Variants in RANBP3 observed in about 807,000 individuals in gnomAD.
RANBP3 encodes RAN binding protein 3.
Under a neutral mutation model 77.3 loss-of-function variants are expected in RANBP3, and 14 were observed. The observed-to-expected ratio is 0.18, with a 90% confidence interval of 0.12 to 0.28. RANBP3 has a LOEUF of 0.28. Ranked by LOEUF, RANBP3 falls within the 10% of genes least tolerant of loss-of-function variation. RANBP3 has a pLI of 1.00. For missense variants in RANBP3, 586 were observed against 752.3 expected (o/e 0.78, Z 2.59); for synonymous variants, 315 against 312.4 (o/e 1.01, Z -0.09).
intron 2 of RANBP3, 125 bp downstream of exon 2, chr19:5,957,793 T>C: frequency 1.0e-6 from 1 of 1,002,846 alleles, no homozygotes; most frequent in South Asian, 1.4e-5. Context: ...TGTAAAGGCC[T>C]CTGCTTAGGT....
intron 1 of RANBP3, among the ~76,000 whole-genome samples, chr19:5,963,700 C>T (rs981154906): frequency 2.0e-5 from 3 of 152,158 alleles, no homozygotes; most frequent in Admixed American, 6.5e-5. Flanking sequence ...GTGTGTGAAG[C>T]GGGGGAGATT....
chr19:5,921,077 C>G lies in RANBP3; in HGVS notation c.1330+124G>C. 1 of 1,302,250 alleles carries G rather than the reference C, an allele frequency of 7.7e-7. No homozygotes were observed. Among genetic ancestry groups the G allele is most frequent in the Non-Finnish European group, 1.0e-6 (1 of 968,144 alleles). The allele number at this position is 1,302,250 out of a possible 1,614,324, so 80.7% of individuals were successfully genotyped here. A position where few individuals can be genotyped will look rare whatever the true frequency, so the allele number is the denominator to read the frequency against. On this transcript the variant is annotated intron_variant, in intron 14 of 16. Transcript: ENST00000340578. The surrounding 1 kb of genome is among the most constrained non-coding windows in gnomAD (Gnocchi z 5.3). ...GGGGGCGGCTCTCATGGGAGACCGA[C>G]TCTGTGCCTTGACTCTCACAAGGGT...
chr19:5,934,421 T>C (rs1229732465), intron 5 of RANBP3: 1 of 152,254 alleles, frequency 6.6e-6, no homozygotes, highest in African/African-American at 2.4e-5. Flanking sequence ...CAAAAATCGA[T>C]TGTGTTTCTA....
In RANBP3 at chr19:5,917,429, C is replaced by T; in HGVS notation, c.*181G>A. On this transcript the variant is annotated 3_prime_UTR_variant, in exon 17 of 17. Transcript: ENST00000340578. Reference sequence around the variant, plus strand: ...TATGATGAGGTCTCGTGTCCCAAACCACATTCAGGCAGTTCCCGAGTCTGC... The same window carrying T: ...TATGATGAGGTCTCGTGTCCCAAACTACATTCAGGCAGTTCCCGAGTCTGC... 3.3e-6 allele frequency: 2 copies of T among 611,144 alleles called. No individual in the cohort carries two copies. Among genetic ancestry groups the T allele is most frequent in the Non-Finnish European group, 5.6e-6 (2 of 357,810 alleles). The allele number at this position is 611,144 out of a possible 1,614,324, so 37.9% of individuals were successfully genotyped here. A position where few individuals can be genotyped will look rare whatever the true frequency, so the allele number is the denominator to read the frequency against.
In RANBP3 at chr19:5,916,192, C is replaced by G. The variant is rs1599708267; in HGVS notation, c.*1418G>C. The G allele has an allele frequency of 6.6e-6, 1 of 152,188 alleles. No individual in the cohort carries two copies. The highest frequency in any genetic ancestry group is 1.5e-5 in the Non-Finnish European group (1 of 68,032). 9.4% of individuals were successfully genotyped at this position (152,188 alleles called of 1,614,324 possible). On this transcript the variant is annotated 3_prime_UTR_variant, in exon 17 of 17. Transcript: ENST00000340578. ...AAATACATTTCATATGACAATCTTA[C>G]ATAAATGTTCCAAAACACATGGGCG...
intron 8 of RANBP3, among the ~76,000 whole-genome samples, chr19:5,931,083 CG>C (rs1216196991): frequency 1.3e-5 from 2 of 152,316 alleles, no homozygotes; most frequent in East Asian, 3.9e-4. Context: ...GGATCACTCC[CG>C]TGAGACATGT....
intron 12 of RANBP3, 24 bp downstream of exon 12, chr19:5,923,788 T>TGGTAGGTGGGAC (rs2057861495): frequency 1.3e-6 from 2 of 1,563,420 alleles, no homozygotes; most frequent in Admixed American, 3.3e-5. Context: ...ATGAGCCCCA[T>TGGTAGGTGGGAC]GCTGTGGTGG....
chr19:5,965,031 G>T (rs142238233), intron 1 of RANBP3, among the ~76,000 whole-genome samples: 82 of 152,132 alleles, frequency 5.4e-4, no homozygotes, highest in Non-Finnish European at 9.3e-4. Flanking sequence ...CGATGAAGGT[G>T]GGGATCCTGG....
intron 5 of RANBP3, among the ~76,000 whole-genome samples, chr19:5,940,399 AAGG>A (rs1194670780): frequency 1.3e-5 from 2 of 152,206 alleles, no homozygotes; most frequent in African/African-American, 4.8e-5. Context: ...CTTAAATTAA[AAGG>A]ATGCCAACTG....
At chr19:5,969,611 T>C (rs2058507509) in intron 1 of RANBP3, among the ~76,000 whole-genome samples, 1 of 152,210 alleles carries the variant, frequency 6.6e-6, no homozygotes, top group Non-Finnish European at 1.5e-5. Context: ...CGAGTGCCCA[T>C]TACCTAGAGT....
intron 1 of RANBP3, among the ~76,000 whole-genome samples, chr19:5,960,334 C>T (rs1377958897): frequency 6.6e-6 from 1 of 152,206 alleles, no homozygotes; most frequent in African/African-American, 2.4e-5. Context: ...CCAGCCACTG[C>T]AGACTGAATT....
intron 1 of RANBP3, among the ~76,000 whole-genome samples, chr19:5,973,580 C>T (rs934769307): frequency 1.4e-4 from 21 of 152,312 alleles, no homozygotes; most frequent in Middle Eastern, 3.4e-3. Flanking sequence ...CACTAAGTGA[C>T]AGGCAGGACA....
At chr19:5,975,461 C>CAA (rs2058579495) in intron 1 of RANBP3, among the ~76,000 whole-genome samples, 1 of 151,932 alleles carries the variant, frequency 6.6e-6, no homozygotes, top group South Asian at 2.1e-4. Flanking sequence ...CCTTTGTGCT[C>CAA]AAATGTATTC....
Position 5,958,695 on chromosome 19 carries a change from T to C in RANBP3, c.23-722A>G, listed in dbSNP as rs1169673275. On this transcript the variant is annotated intron_variant, in intron 1 of 16. Coordinates refer to ENST00000340578, the MANE Select transcript of RANBP3 (RefSeq NM_007322.3). The surrounding 1 kb of genome is among the most constrained non-coding windows in gnomAD (Gnocchi z 4.4). Reference sequence around the variant, plus strand: ...TGGGTGGCAGCCCAGGAGGCCCTGCTGCCCGCACAGGAAGCACAGATGAGG... The same window carrying C: ...TGGGTGGCAGCCCAGGAGGCCCTGCCGCCCGCACAGGAAGCACAGATGAGG... 6.6e-6 allele frequency among the ~76,000 whole-genome samples: 1 copy of C among 152,218 alleles called. No individual in the cohort carries two copies. Among genetic ancestry groups the C allele is most frequent in the Non-Finnish European group, 1.5e-5 (1 of 68,032 alleles).
intron 2 of RANBP3, among the ~76,000 whole-genome samples, chr19:5,956,121 A>G (rs756016541): frequency 9.9e-5 from 15 of 152,208 alleles, no homozygotes; most frequent in Non-Finnish European, 2.1e-4. Context: ...AGATAAAAAC[A>G]TAAACAAATA....
chr19:5,923,865 G>A lies in RANBP3; in HGVS notation c.1046C>T (p.Ala349Val), dbSNP rs1030911422. The A allele has an allele frequency of 1.9e-6, 3 of 1,614,196 alleles. No individual in the cohort carries two copies. Among genetic ancestry groups the A allele is most frequent in the East Asian group, 2.2e-5 (1 of 44,884 alleles). The change falls in exon 12 of 17, where the codon GCA (alanine) becomes GTA (valine). Residue 349 changes from alanine (A) to valine (V), a missense_variant. Coordinates refer to ENST00000340578, the MANE Select transcript of RANBP3 (RefSeq NM_007322.3). ...EVSSDANRENAAAESGSESSS... is the reference protein window; with the variant it reads ...EVSSDANRENVAAESGSESSS... ...GGACTCAGACCCTGACTCGGCAGCT[G>A]CATTTTCCCTGTTGGCATCTGAACT...
intron 3 of RANBP3, chr19:5,950,590 G>A (rs190649140): frequency 6.6e-6 from 1 of 152,354 alleles, no homozygotes; most frequent in Non-Finnish European, 1.5e-5. Flanking sequence ...CTGGTGCTCA[G>A]GCGGTAGAGC....
intron 2 of RANBP3, among the ~76,000 whole-genome samples, chr19:5,957,084 G>A (rs550380123): frequency 2.1e-4 from 32 of 152,194 alleles, no homozygotes; most frequent in Admixed American, 5.9e-4. Flanking sequence ...GAGTGCCGTC[G>A]CTGGGCATCA....
At chr19:5,925,983 T>C (rs1344667331) in intron 9 of RANBP3, among the ~76,000 whole-genome samples, 1 of 152,148 alleles carries the variant, frequency 6.6e-6, no homozygotes, top group Non-Finnish European at 1.5e-5. Flanking sequence ...TTTTCCACCT[T>C]GTTACAAAAC....
Sources: gnomAD v4.1 joint callset for allele counts (sites outside exome capture counted in the v4.1 genomes callset) on GRCh38, gnomAD v4.1.1 for gene constraint, Gnocchi (gnomAD v3.1) non-coding constraint, MANE v1.5 for transcripts, NCBI Gene and HGNC (gene_info 2026-07-23, HGNC 2026-07-21) for gene names.